ADAMTSL1: variants seen among roughly 807,000 people sequenced by gnomAD.
The protein encoded by ADAMTSL1 is ADAMTS-like protein 1.
A neutral mutation model predicts 201.8 loss-of-function variants in ADAMTSL1; 126 were observed. The ratio of observed to expected loss-of-function variants is 0.62; its 90% CI spans 0.54 to 0.72. The LOEUF (loss-of-function observed/expected upper bound fraction) is 0.72. ADAMTSL1 is among the 30% of genes least tolerant of loss of function. ADAMTSL1 has a pLI of 0.00. For missense variants in ADAMTSL1, 2,679 were observed against 2,277.8 expected (o/e 1.18, Z -3.59); for synonymous variants, 1,121 against 903.4 (o/e 1.24, Z -4.32).
intron 20 of ADAMTSL1, among the ~76,000 whole-genome samples, chr9:18,815,755 C>T (rs896432270): frequency 1.3e-5 from 2 of 149,438 alleles, no homozygotes; most frequent in Non-Finnish European, 3.0e-5. Flanking sequence ...AAAAGAAATC[C>T]TGTTATTTGC....
chr9:18,287,700 G>GTATGTGTA (rs371514910), intron 2 of ADAMTSL1, among the ~76,000 whole-genome samples: 4 of 144,262 alleles, frequency 2.8e-5, no homozygotes, highest in Admixed American at 6.8e-5. Flanking sequence ...TTACATATAT[G>GTATGTGTA]TACATATATT....
chr9:18,770,833 G>C (rs368488604), intron 17 of ADAMTSL1, 52 bp downstream of exon 17: 1 of 1,569,426 alleles, frequency 6.4e-7, no homozygotes, highest in South Asian at 1.1e-5. Flanking sequence ...GGAAAAGAAG[G>C]CACCCCAGAC....
intron 3 of ADAMTSL1, among the ~76,000 whole-genome samples, chr9:18,560,098 G>C (rs540366951): frequency 1.3e-5 from 2 of 152,210 alleles, no homozygotes; most frequent in East Asian, 3.9e-4. Context: ...GTTTTCAAAG[G>C]GAATGCTTCC....
chr9:18,328,835 A>G (rs1198148811), intron 2 of ADAMTSL1, among the ~76,000 whole-genome samples: 2 of 152,222 alleles, frequency 1.3e-5, no homozygotes, highest in East Asian at 3.9e-4. Flanking sequence ...GATACAGAGT[A>G]TACAGATGGT....
chr9:18,257,197 A>G (rs1352454575), intron 2 of ADAMTSL1, among the ~76,000 whole-genome samples: 2 of 152,224 alleles, frequency 1.3e-5, no homozygotes, highest in Admixed American at 1.3e-4. Context: ...AAATTTTCAT[A>G]TTTGAAATTT....
rs543364948 is a variant in ADAMTSL1, at chr9:18,666,225, T to C, written c.1085+4152T>C. Reference sequence around the variant, plus strand: ...CTCTCTGCTGGTGTCATTTACACAGTTATTTTTCTGAAGTGATAAAACACT... The same window carrying C: ...CTCTCTGCTGGTGTCATTTACACAGCTATTTTTCTGAAGTGATAAAACACT... On this transcript the variant is annotated intron_variant, in intron 9 of 28. Coordinates refer to ENST00000380548, the MANE Select transcript of ADAMTSL1 (RefSeq NM_001040272.6). 2.0e-5 allele frequency among the ~76,000 whole-genome samples: 3 copies of C among 152,332 alleles called. No individual in the cohort carries two copies. The South Asian group carries it at 6.2e-4, about 32-fold the overall frequency.
intron 2 of ADAMTSL1, among the ~76,000 whole-genome samples, chr9:18,217,853 G>T (rs1000742972): frequency 1.4e-5 from 2 of 147,182 alleles, no homozygotes; most frequent in South Asian, 2.2e-4. Flanking sequence ...GAGGAAAGTT[G>T]TTTTTTTTTT....
chr9:18,451,605 G>A (rs568437672), intron 2 of ADAMTSL1, among the ~76,000 whole-genome samples: 9 of 152,196 alleles, frequency 5.9e-5, no homozygotes, highest in South Asian at 4.1e-4. Context: ...TGGCTACCCC[G>A]GAAATGAAAC....
intron 4 of ADAMTSL1, among the ~76,000 whole-genome samples, chr9:18,615,478 C>G (rs1295055274): frequency 6.6e-6 from 1 of 152,144 alleles, no homozygotes; most frequent in Non-Finnish European, 1.5e-5. Flanking sequence ...TTAGAATATT[C>G]AAACTTGTTA....
intron 1 of ADAMTSL1, among the ~76,000 whole-genome samples, chr9:18,482,508 G>T (rs1237237053): frequency 1.3e-5 from 2 of 152,074 alleles, no homozygotes; most frequent in East Asian, 3.9e-4. Flanking sequence ...CAGTTTGTTG[G>T]CATAAATGTT....
intron 23 of ADAMTSL1, among the ~76,000 whole-genome samples, chr9:18,846,354 C>A (rs1380867357): frequency 6.6e-6 from 1 of 152,152 alleles, no homozygotes; most frequent in African/African-American, 2.4e-5. Context: ...TTGAGCAAGA[C>A]TGGAAGACTG....
intron 2 of ADAMTSL1, among the ~76,000 whole-genome samples, chr9:18,382,836 T>C (rs781509742): frequency 6.6e-6 from 1 of 152,226 alleles, no homozygotes; most frequent in South Asian, 2.1e-4. Context: ...ATGCTCATTA[T>C]AACACAGCTC....
chr9:18,164,160 G>A (rs1431370745), intron 2 of ADAMTSL1, among the ~76,000 whole-genome samples: 3 of 151,888 alleles, frequency 2.0e-5, no homozygotes, highest in African/African-American at 7.2e-5. Context: ...GCAACTTTCT[G>A]ACTTTTCCTG....
chr9:18,788,430 C>T (rs1821833426), intron 19 of ADAMTSL1, among the ~76,000 whole-genome samples: 1 of 151,094 alleles, frequency 6.6e-6, no homozygotes, highest in Non-Finnish European at 1.5e-5. Flanking sequence ...ATATGCCTGC[C>T]AACTAGGCCC....
chr9:17,922,706 G>A (rs749205507), intron 1 of ADAMTSL1, among the ~76,000 whole-genome samples: 8 of 138,750 alleles, frequency 5.8e-5, no homozygotes, highest in East Asian at 4.3e-4. Flanking sequence ...AGTGAACCAC[G>A]CATCTCATAA....
intron 26 of ADAMTSL1, among the ~76,000 whole-genome samples, chr9:18,904,406 T>C (rs1451904173): frequency 6.6e-6 from 1 of 151,876 alleles, no homozygotes; most frequent in African/African-American, 2.4e-5. Context: ...GAGGCAGAGG[T>C]TGCAGTAAGC....
intron 22 of ADAMTSL1, among the ~76,000 whole-genome samples, chr9:18,827,617 T>A (rs1824664257): frequency 6.6e-6 from 1 of 152,252 alleles, no homozygotes; most frequent in Non-Finnish European, 1.5e-5. Context: ...CACACTGAGT[T>A]ACGGTGCTTA....
At chr9:18,357,329 T>C (rs1563909779) in intron 2 of ADAMTSL1, among the ~76,000 whole-genome samples, 2 of 152,166 alleles carry the variant, frequency 1.3e-5, no homozygotes, top group African/African-American at 2.4e-5. Context: ...TAATTAAATA[T>C]ATGTTGAGGT....
At chr9:18,809,305 G>C (rs1460669547) in intron 20 of ADAMTSL1, among the ~76,000 whole-genome samples, 2 of 152,194 alleles carry the variant, frequency 1.3e-5, no homozygotes, top group African/African-American at 4.8e-5. Context: ...TGAACGACCG[G>C]AAGAGAGCCG....
Sources: allele counts gnomAD v4.1 joint callset (sites outside exome capture counted in the v4.1 genomes callset), GRCh38; gene constraint gnomAD v4.1.1; transcripts MANE v1.5; gene names NCBI Gene and HGNC (gene_info 2026-07-23, HGNC 2026-07-21).